The following CRACD variants were observed in gnomAD, a reference collection of about 807,000 sequenced individuals.
The protein encoded by CRACD is capping protein inhibiting regulator of actin dynamics.
Under a neutral mutation model 106.8 loss-of-function variants are expected in CRACD, and 56 were observed. The observed-to-expected ratio is 0.52, with a 90% CI of 0.42 to 0.66. The LOEUF is 0.66. Among genes scored for constraint, CRACD ranks in the 30% least tolerant of loss-of-function variants. The pLI is 0.00. For synonymous variants in CRACD, 754 were observed against 670.8 expected (o/e 1.12, Z -1.92); for missense variants, 1,730 against 1,623.2 (o/e 1.07, Z -1.13).
chr4:56,164,652 G>A (rs1306756170), intron 1 of CRACD, among the ~76,000 whole-genome samples: 1 of 152,126 alleles, frequency 6.6e-6, no homozygotes, highest in African/African-American at 2.4e-5. Flanking sequence ...CAGAGGTTGG[G>A]GACGGAGGAT....
intron 2 of CRACD, among the ~76,000 whole-genome samples, chr4:56,225,732 C>T (rs1037555613): frequency 3.9e-5 from 6 of 152,190 alleles, no homozygotes; most frequent in Non-Finnish European, 8.8e-5. Context: ...GAAAGTGAGA[C>T]AGGAATGACC....
intron 2 of CRACD, among the ~76,000 whole-genome samples, chr4:56,217,015 A>G (rs1316930197): frequency 1.3e-5 from 2 of 151,820 alleles, no homozygotes; most frequent in African/African-American, 2.4e-5. Context: ...AAAAAAAAAA[A>G]AAGAAAATGT....
rs910939151 is a variant in CRACD, at chr4:56,111,087, A to G, written c.-336+61788A>G. 7.2e-5 allele frequency among the ~76,000 whole-genome samples: 11 copies of G among 152,284 alleles called. No individual in the cohort carries two copies. The East Asian group carries it at 1.7e-3, about 24-fold the overall frequency. On this transcript the variant is annotated intron_variant, in intron 1 of 10. Transcript: ENST00000682029. ...AGAAAAATTAAAAAAGGAAAATAGT[A>G]TACCACATGGCTCAGTGGTAAGCAG...
rs771431799 is a variant in CRACD at position 56,307,670 on chromosome 4, G to A, written c.256G>A (p.Asp86Asn). The A allele has an allele frequency of 1.7e-5, 27 of 1,614,038 alleles. No homozygotes were observed. In the Admixed American group the frequency reaches 2.3e-4, roughly 14 times the overall value. ...TCCCATGGAAATTGTGACTCAGCAG[G>A]ACATCGTCCTCTCAGACGCAGAGAA... The part of the protein sequence containing the change: ...TSPMEIVTQQ[D>N]IVLSDAENKS... Residue 86 changes from aspartate to asparagine, a missense_variant, in exon 5 of 11, where the codon GAC (aspartate) becomes AAC (asparagine). Around this residue, in one of 5 missense-constraint regions of CRACD, gnomAD observed 1,620 missense variants for 1,481.6 expected, o/e 1.09. Coordinates refer to ENST00000682029, the MANE Select transcript of CRACD (RefSeq NM_001393381.1).
intron 1 of CRACD, among the ~76,000 whole-genome samples, chr4:56,165,374 T>A (rs867461646): frequency 2.0e-4 from 31 of 152,334 alleles, no homozygotes; most frequent in African/African-American, 7.2e-4. Flanking sequence ...GTGCTTACTG[T>A]GTGCCAGGTG....
chr4:56,295,972 T>C (rs1449488558), intron 3 of CRACD, among the ~76,000 whole-genome samples: 1 of 152,108 alleles, frequency 6.6e-6, no homozygotes, highest in Non-Finnish European at 1.5e-5. Context: ...GTGCCTCATA[T>C]TTCATAAAGG....
At chr4:56,251,284 C>T (rs1741041858) in intron 2 of CRACD, among the ~76,000 whole-genome samples, 1 of 152,154 alleles carries the variant, frequency 6.6e-6, no homozygotes, top group South Asian at 2.1e-4. Flanking sequence ...TGGCATCTAA[C>T]CTTGTTCAGT....
chr4:56,284,040 C>T (rs1376420408), intron 3 of CRACD, among the ~76,000 whole-genome samples: 1 of 152,156 alleles, frequency 6.6e-6, no homozygotes, highest in Non-Finnish European at 1.5e-5. Flanking sequence ...CAGCCATGAT[C>T]TGAACATATT....
At chr4:56,287,192 A>AT (rs1182283431) in intron 3 of CRACD, among the ~76,000 whole-genome samples, 1 of 152,178 alleles carries the variant, frequency 6.6e-6, no homozygotes, top group Non-Finnish European at 1.5e-5. Context: ...TGACGTGATC[A>AT]TAACTCACTG....
intron 2 of CRACD, among the ~76,000 whole-genome samples, chr4:56,189,572 T>C (rs1310339336): frequency 1.3e-3 from 124 of 96,590 alleles, no homozygotes; most frequent in African/African-American, 4.9e-3. Flanking sequence ...CAACAGTCCC[T>C]GGTGTGTGAT....
In CRACD at chr4:56,323,271, A is replaced by G. The variant is rs946774028; in HGVS notation, c.3188-106A>G. 3 of 966,026 alleles carry G rather than the reference A, an allele frequency of 3.1e-6. No individual in the cohort carries two copies. The African/African-American group carries it at 5.1e-5, about 16-fold the overall frequency. 59.8% of individuals were successfully genotyped at this position (966,026 alleles called of 1,614,324 possible). On this transcript the variant is annotated intron_variant, in intron 8 of 10. Transcript: ENST00000682029. ...GTTGTGCTAGGAAGGGGCCAGCTGA[A>G]TATGCCATAGGGTTATTAATATGTC...
At chr4:56,075,808 G>A (rs1732822088) in intron 1 of CRACD, among the ~76,000 whole-genome samples, 1 of 152,094 alleles carries the variant, frequency 6.6e-6, no homozygotes, top group Non-Finnish European at 1.5e-5. Context: ...GCATTTATTA[G>A]TGCTTCATTC....
chr4:56,194,127 C>T (rs895415627), intron 2 of CRACD, among the ~76,000 whole-genome samples: 5 of 152,160 alleles, frequency 3.3e-5, no homozygotes. Flanking sequence ...TTGTAAAGGA[C>T]AAAGTCACAG....
chr4:56,186,499 G>T (rs187468245), intron 2 of CRACD, among the ~76,000 whole-genome samples: 16 of 152,280 alleles, frequency 1.1e-4, no homozygotes, highest in Non-Finnish European at 2.4e-4. Context: ...AGAGTAACTA[G>T]TTTGACAAGA....
intron 4 of CRACD, among the ~76,000 whole-genome samples, chr4:56,303,721 T>G (rs1339255719): frequency 1.3e-5 from 2 of 152,200 alleles, no homozygotes; most frequent in Non-Finnish European, 2.9e-5. Flanking sequence ...GGCGAGGCCT[T>G]GGCCTTGGCC....
intron 6 of CRACD, among the ~76,000 whole-genome samples, chr4:56,311,876 A>G (rs1292941254): frequency 3.3e-5 from 5 of 152,106 alleles, no homozygotes; most frequent in Non-Finnish European, 5.9e-5. Context: ...AATTCTCTGT[A>G]GGTACAGGCG....
intron 4 of CRACD, among the ~76,000 whole-genome samples, chr4:56,299,879 C>T (rs560918181): frequency 5.1e-4 from 78 of 152,160 alleles, no homozygotes; most frequent in Admixed American, 2.5e-3. Flanking sequence ...AACAACTGCC[C>T]TCAGTAGCTA....
Position 56,251,595 on chromosome 4 carries a change from G to A in CRACD, c.-188-20726G>A, listed in dbSNP as rs373630713. Among the ~76,000 whole-genome samples, 75 of 152,240 alleles carry A rather than the reference G, an allele frequency of 4.9e-4. No homozygotes were observed. The South Asian group carries it at 0.014, about 28-fold the overall frequency. ...CACTAAGGCTCATGTTTAATGAAGCGTTCTTTTTTCCTTAATTGAGAAGTG... is the reference window on the plus strand; with the variant it reads ...CACTAAGGCTCATGTTTAATGAAGCATTCTTTTTTCCTTAATTGAGAAGTG... On this transcript the variant is annotated intron_variant, in intron 2 of 10. Transcript: ENST00000682029.
intron 2 of CRACD, among the ~76,000 whole-genome samples, chr4:56,216,561 C>G (rs1034392080): frequency 6.6e-6 from 1 of 152,166 alleles, no homozygotes. Context: ...GGGATACACT[C>G]TCTGTGGGGT....
Sources: allele counts gnomAD v4.1 joint callset (sites outside exome capture counted in the v4.1 genomes callset), GRCh38; gene constraint gnomAD v4.1.1; regional missense constraint gnomAD v4.1.1; transcripts MANE v1.5; gene names NCBI Gene and HGNC (gene_info 2026-07-23, HGNC 2026-07-21).